Variants in NDEL1 observed in about 807,000 individuals in gnomAD.
The protein encoded by NDEL1 is nuclear distribution protein nudE-like 1.
A neutral mutation model predicts 45.7 loss-of-function variants in NDEL1; 9 were observed. The ratio of observed to expected loss-of-function variants is 0.20; its 90% CI spans 0.12 to 0.34. The LOEUF (loss-of-function observed/expected upper bound fraction) is 0.34, where lower values mean the gene tolerates loss of function less well. Ranked by LOEUF, NDEL1 falls within the 10% of genes least tolerant of loss-of-function variation. NDEL1 has a pLI of 1.00. For synonymous variants in NDEL1, 133 were observed against 158.6 expected (o/e 0.84, Z 1.21); for missense variants, 306 against 406.2 (o/e 0.75, Z 2.12).
At chr17:8,437,359 T>A (rs1270828659) in intron 1 of NDEL1, among the ~76,000 whole-genome samples, 5 of 152,240 alleles carry the variant, frequency 3.3e-5, no homozygotes, top group Admixed American at 6.5e-5. Context: ...TTGATTTTTT[T>A]AAATTAAATA....
intron 4 of NDEL1, among the ~76,000 whole-genome samples, chr17:8,447,211 C>T (rs1228661247): frequency 3.3e-5 from 5 of 152,204 alleles, no homozygotes; most frequent in Admixed American, 6.5e-5. Context: ...GGCATGATCT[C>T]GGCTCACTGC....
Position 8,444,205 on chromosome 17 carries a change from G to C in NDEL1, c.-12-55G>C, listed in dbSNP as rs1057316381. 13 of 1,123,900 alleles carry C rather than the reference G, an allele frequency of 1.2e-5. No individual in the cohort carries two copies. In the Admixed American group the frequency reaches 2.2e-4, roughly 19 times the overall value. The allele number at this position is 1,123,900 out of a possible 1,614,324, so 69.6% of individuals were successfully genotyped here. A position where few individuals can be genotyped will look rare whatever the true frequency, so the allele number is the denominator to read the frequency against. Reference sequence around the variant, plus strand: ...CAGTGTTGTCCCAGATTTTATGCTTGTGCTTAGATTTCTCTGTTCTCTAAT... The same window carrying C: ...CAGTGTTGTCCCAGATTTTATGCTTCTGCTTAGATTTCTCTGTTCTCTAAT... On this transcript the variant is annotated intron_variant, in intron 1 of 8. Coordinates refer to ENST00000334527, the MANE Select transcript of NDEL1 (RefSeq NM_030808.5).
chr17:8,472,934 C>G (rs1345507276), downstream of NDEL1, among the ~76,000 whole-genome samples: 1 of 152,174 alleles, frequency 6.6e-6, no homozygotes, highest in Non-Finnish European at 1.5e-5. Flanking sequence ...CCAGCTTGAT[C>G]TTCTGATACA....
chr17:8,437,925 A>G (rs1339356548), intron 1 of NDEL1, among the ~76,000 whole-genome samples: 3 of 146,474 alleles, frequency 2.0e-5, no homozygotes, highest in Non-Finnish European at 4.5e-5. Flanking sequence ...GAGATCTGGT[A>G]TTAAAGAAAG....
chr17:8,448,756 T>C, intron 5 of NDEL1, 70 bp downstream of exon 5: 1 of 1,406,498 alleles, frequency 7.1e-7, no homozygotes, highest in South Asian at 1.5e-5. Context: ...TGGGCCCACT[T>C]ATACTCTGAT....
chr17:8,429,526 A>C (rs1263704251), intron 1 of NDEL1, among the ~76,000 whole-genome samples: 1 of 152,160 alleles, frequency 6.6e-6, no homozygotes. Flanking sequence ...CTAGCATATG[A>C]GTGAGACTTC....
intron 2 of NDEL1, chr17:8,444,783 GA>G (rs1476375771): frequency 6.5e-6 from 1 of 152,718 alleles, no homozygotes; most frequent in African/African-American, 2.4e-5. Flanking sequence ...AGCTTTGAGG[GA>G]GGGGGAGAAG....
downstream of NDEL1, among the ~76,000 whole-genome samples, chr17:8,468,974 A>T (rs1746361848): frequency 6.6e-6 from 1 of 152,218 alleles, no homozygotes; most frequent in South Asian, 2.1e-4. Context: ...ACTGCACTCC[A>T]GCCTGGGTGA....
In NDEL1 at chr17:8,454,532, A is replaced by G. The variant is rs550119448; in HGVS notation, c.701-264A>G. On this transcript the variant is annotated intron_variant, in intron 6 of 8. Coordinates refer to ENST00000334527, the MANE Select transcript of NDEL1 (RefSeq NM_030808.5). ...TGACCCAGCAGTTCTATTTTTAGGA[A>G]TCTCTTTTCCAGAAATACTTGTCTA... Among the ~76,000 whole-genome samples, 8 of 152,318 alleles carry G rather than the reference A, an allele frequency of 5.3e-5. No individual in the cohort carries two copies. The South Asian group carries it at 1.7e-3, about 32-fold the overall frequency.
chr17:8,418,954 T>C (rs1006186547), intron 1 of NDEL1, among the ~76,000 whole-genome samples: 1 of 151,946 alleles, frequency 6.6e-6, no homozygotes, highest in African/African-American at 2.4e-5. Context: ...GCTCAAGTGA[T>C]CCTCCCACCA....
rs1216746921 is a variant in NDEL1, at chr17:8,435,908, C to T, written c.-150C>T. 2 of 447,848 alleles carry T rather than the reference C, an allele frequency of 4.5e-6. No individual in the cohort carries two copies. The highest frequency in any genetic ancestry group is 9.0e-6 in the Non-Finnish European group (2 of 223,260). The allele number at this position is 447,848 out of a possible 1,614,324, so 27.7% of individuals were successfully genotyped here. Reference sequence around the variant, plus strand: ...CAGTCCCTGACGTGTCGGGGAGGAGCCGGGCGCGGAGGTACGCTGAGTGGA... The same window carrying T: ...CAGTCCCTGACGTGTCGGGGAGGAGTCGGGCGCGGAGGTACGCTGAGTGGA... On this transcript the variant is annotated 5_prime_UTR_variant, in exon 1 of 9. Transcript: ENST00000334527.
At chr17:8,463,438 A>G (rs973008778) in intron 8 of NDEL1, 1 of 1,354,258 alleles carries the variant, frequency 7.4e-7, no homozygotes, top group Non-Finnish European at 1.1e-6. Context: ...ATCTGGTTTT[A>G]CTAACTGCAT....
intron 1 of NDEL1, among the ~76,000 whole-genome samples, chr17:8,425,294 G>A (rs1187607751): frequency 1.3e-5 from 2 of 152,224 alleles, no homozygotes; most frequent in African/African-American, 2.4e-5. Context: ...CTAAAAAAGT[G>A]CTTTGAGGCC....
intron 1 of NDEL1, among the ~76,000 whole-genome samples, chr17:8,423,557 T>G (rs1757819678): frequency 6.6e-6 from 1 of 152,008 alleles, no homozygotes; most frequent in South Asian, 2.1e-4. Context: ...GGTTGTGCAT[T>G]CCTGTAATCC....
At chr17:8,430,993 G>A (rs757625975), upstream of NDEL1, among the ~76,000 whole-genome samples, 5 of 152,140 alleles carry the variant, frequency 3.3e-5, no homozygotes, top group African/African-American at 4.8e-5. Flanking sequence ...GGCAAAGCCC[G>A]TTCATTAAGA....
chr17:8,459,729 C>T (rs139518085), intron 7 of NDEL1, among the ~76,000 whole-genome samples: 1 of 152,280 alleles, frequency 6.6e-6, no homozygotes, highest in East Asian at 1.9e-4. Context: ...TCTGCTGTTC[C>T]ACCTCCTGTA....
At chr17:8,438,619 G>T (rs1026525186) in intron 1 of NDEL1, among the ~76,000 whole-genome samples, 2 of 151,746 alleles carry the variant, frequency 1.3e-5, no homozygotes, top group Non-Finnish European at 2.9e-5. Context: ...GGACTCAAGC[G>T]ATCCTCCCAC....
chr17:8,463,285 A>G (rs754395813), intron 8 of NDEL1: 2 of 1,572,836 alleles, frequency 1.3e-6, no homozygotes, highest in East Asian at 2.2e-5. Context: ...TAGTATTCGT[A>G]TTACTGTTTA....
chr17:8,430,928 AG>A (rs1042096912), upstream of NDEL1, among the ~76,000 whole-genome samples: 3 of 152,216 alleles, frequency 2.0e-5, no homozygotes, highest in African/African-American at 7.2e-5. Flanking sequence ...CTCAACCACA[AG>A]GGGGAAGGAA....
Sources: allele counts gnomAD v4.1 joint callset (sites outside exome capture counted in the v4.1 genomes callset), GRCh38; gene constraint gnomAD v4.1.1; transcripts MANE v1.5; gene names NCBI Gene and HGNC (gene_info 2026-07-23, HGNC 2026-07-21).